ARHGEF37: variants seen among roughly 807,000 people sequenced by gnomAD.
ARHGEF37 encodes the protein Rho guanine nucleotide exchange factor 37.
Under a neutral mutation model 71.1 loss-of-function variants are expected in ARHGEF37, and 55 were observed. That is an observed-to-expected ratio of 0.77 (90% CI 0.62 to 0.97). ARHGEF37 has a LOEUF of 0.97. ARHGEF37 is among the 50% of genes least tolerant of loss of function. ARHGEF37 has a pLI of 0.00. For synonymous variants in ARHGEF37, 327 were observed against 350.6 expected, an observed-to-expected ratio of 0.93 and a Z score of 0.75; for missense variants, 765 against 836.8, an observed-to-expected ratio of 0.91 and a Z score of 1.06.
intron 4 of ARHGEF37, among the ~76,000 whole-genome samples, chr5:149,609,916 C>G (rs978406548): frequency 6.6e-6 from 1 of 152,232 alleles, no homozygotes; most frequent in Non-Finnish European, 1.5e-5. Context: ...TTATGCTCCA[C>G]TGAAGGCTGA....
chr5:149,569,604 G>A (rs1335564468), intron 1 of ARHGEF37, among the ~76,000 whole-genome samples: 2 of 151,886 alleles, frequency 1.3e-5, no homozygotes, highest in African/African-American at 4.8e-5. Flanking sequence ...ACAGGTGTGA[G>A]CCACCACACC....
In ARHGEF37 at chr5:149,618,326, G is replaced by T; in HGVS notation, c.789+20G>T. 6.2e-7 allele frequency: 1 copy of T among 1,613,918 alleles called. No individual in the cohort carries two copies. Among genetic ancestry groups the T allele is most frequent in the Non-Finnish European group, 8.5e-7 (1 of 1,179,914 alleles). The stretch of plus-strand genomic sequence containing the variant: ...CCCAGGGTGAGCGTGCGCCTGGGAG[G>T]AAGAGTCACATCCAGCCACCCCCAA... On this transcript the variant is annotated intron_variant, in intron 6 of 12. Transcript: ENST00000333677.
At chr5:149,614,796 A>T (rs895751089) in intron 4 of ARHGEF37, among the ~76,000 whole-genome samples, 1 of 152,150 alleles carries the variant, frequency 6.6e-6, no homozygotes, top group Admixed American at 6.5e-5. Context: ...TCTTAGCTTC[A>T]TGGCTGATCT....
At chr5:149,595,512 C>G (rs556062539) in intron 1 of ARHGEF37, among the ~76,000 whole-genome samples, 5 of 152,168 alleles carry the variant, frequency 3.3e-5, no homozygotes, top group African/African-American at 1.2e-4. Context: ...TTATACAGGT[C>G]TGTATTTTTT....
intron 3 of ARHGEF37, among the ~76,000 whole-genome samples, chr5:149,608,618 G>T (rs1019434704): frequency 2.6e-5 from 4 of 151,772 alleles, no homozygotes; most frequent in Admixed American, 2.0e-4. Flanking sequence ...TGATCCACCC[G>T]TCTTGGCCTG....
In ARHGEF37 at chr5:149,564,275, TATATC is replaced by T. The variant is rs546759423; in HGVS notation, c.-12+12156_-12+12160del. ...AATATTAGTCTTACGTATGTTATCTTATATCATAAAAAAATTTCATTGGGAAAATA... is the reference window on the plus strand; with the variant it reads ...AATATTAGTCTTACGTATGTTATCTTATAAAAAAATTTCATTGGGAAAATA... On this transcript the variant is annotated intron_variant, in intron 1 of 2. Coordinates refer to the ARHGEF37 transcript ENST00000505810. Among the ~76,000 whole-genome samples, 77 of 152,264 alleles carry T rather than the reference TATATC, an allele frequency of 5.1e-4. 2 individuals carry two copies. The Middle Eastern group carries it at 0.01, about 20-fold the overall frequency.
At chr5:149,596,503 C>T (rs986336874) in intron 1 of ARHGEF37, among the ~76,000 whole-genome samples, 1 of 152,132 alleles carries the variant, frequency 6.6e-6, no homozygotes, top group Admixed American at 6.6e-5. Flanking sequence ...TGCGGTTTTA[C>T]CATGTTGGCC....
rs548287944 is a variant in ARHGEF37, at chr5:149,595,999, G to GC, written c.-11-1760_-11-1759insC. On this transcript the variant is annotated intron_variant, in intron 1 of 12. Coordinates refer to ENST00000333677, the MANE Select transcript of ARHGEF37 (RefSeq NM_001001669.3). ...TTCACAGAAGTCCTTGTGGCTGGGG[G>GC]GGTCCCAGTTCTGTGAAGGAGCTTG... Among the ~76,000 whole-genome samples, 435 of 151,570 alleles carry GC rather than the reference G, an allele frequency of 2.9e-3. 4 individuals are homozygous for GC. The highest frequency in any genetic ancestry group is 0.01 in the African/African-American group (419 of 41,290).
At chr5:149,561,272 C>CAAAAA (rs11334969) in intron 1 of ARHGEF37, among the ~76,000 whole-genome samples, 1 of 63,250 alleles carries the variant, frequency 1.6e-5, no homozygotes, top group Non-Finnish European at 3.0e-5. Flanking sequence ...GACTCTGTCT[C>CAAAAA]AAAAAAAAAA....
At chr5:149,603,283 G>A (rs1328899361) in intron 3 of ARHGEF37, among the ~76,000 whole-genome samples, 1 of 152,114 alleles carries the variant, frequency 6.6e-6, no homozygotes, top group Admixed American at 6.5e-5. Flanking sequence ...TTTACAAAAC[G>A]CTAAGCACTG....
intron 1 of ARHGEF37, among the ~76,000 whole-genome samples, chr5:149,554,702 G>C (rs1283672402): frequency 2.0e-5 from 3 of 150,468 alleles, no homozygotes; most frequent in African/African-American, 7.4e-5. Flanking sequence ...CTATGACTCA[G>C]CCTTCTTCTT....
At chr5:149,589,835 T>A (rs1179359325) in intron 1 of ARHGEF37, among the ~76,000 whole-genome samples, 4 of 146,998 alleles carry the variant, frequency 2.7e-5, no homozygotes, top group African/African-American at 7.5e-5. Context: ...CTAATTTAAA[T>A]TTTTTTTTTT....
intron 10 of ARHGEF37, among the ~76,000 whole-genome samples, chr5:149,625,474 C>G (rs1752658520): frequency 6.6e-6 from 1 of 152,158 alleles, no homozygotes; most frequent in Non-Finnish European, 1.5e-5. Context: ...GAAACAAGAA[C>G]AGGAGCCCAG....
chr5:149,578,512 A>G (rs147293960), upstream of ARHGEF37, among the ~76,000 whole-genome samples: 598 of 152,126 alleles, frequency 3.9e-3, 8 homozygotes, highest in African/African-American at 0.013. Flanking sequence ...TCACTTATCC[A>G]CCCATTCAAC....
chr5:149,600,570 C>G (rs371676534), intron 2 of ARHGEF37, among the ~76,000 whole-genome samples: 1 of 152,190 alleles, frequency 6.6e-6, no homozygotes, highest in African/African-American at 2.4e-5. Context: ...TAGGCTAAAA[C>G]CCCGGTTCAG....
chr5:149,576,754 AAG>A (rs2113254180), upstream of ARHGEF37, among the ~76,000 whole-genome samples: 1 of 152,154 alleles, frequency 6.6e-6, no homozygotes, highest in East Asian at 1.9e-4. Flanking sequence ...TCAGGAGTTT[AAG>A]ACCAGCCTGG....
upstream of ARHGEF37, among the ~76,000 whole-genome samples, chr5:149,577,676 T>C (rs1334166996): frequency 6.6e-6 from 1 of 152,222 alleles, no homozygotes; most frequent in Non-Finnish European, 1.5e-5. Context: ...ATTATGCAGA[T>C]TATGTTCTTC....
intron 1 of ARHGEF37, among the ~76,000 whole-genome samples, chr5:149,582,976 A>G (rs1470942631): frequency 6.6e-6 from 1 of 152,188 alleles, no homozygotes; most frequent in Non-Finnish European, 1.5e-5. Context: ...TACCTTCGTG[A>G]TGGTATCCTA....
chr5:149,598,350 CTT>C (rs1561794604), intron 2 of ARHGEF37, among the ~76,000 whole-genome samples: 2 of 99,212 alleles, frequency 2.0e-5, no homozygotes, highest in African/African-American at 8.4e-5. Flanking sequence ...TCTTCCTCTT[CTT>C]CTTCCTCTTC....
Sources: gnomAD v4.1 joint callset for allele counts (sites outside exome capture counted in the v4.1 genomes callset) on GRCh38, gnomAD v4.1.1 for gene constraint, MANE v1.5 for transcripts, NCBI Gene and HGNC (gene_info 2026-07-23, HGNC 2026-07-21) for gene names.